Variants in NEGR1 observed in about 807,000 individuals in gnomAD.
NEGR1 encodes the protein IgLON family member 4.
Under a neutral mutation model 40.9 loss-of-function variants are expected in NEGR1, and 10 were observed. The ratio of observed to expected loss-of-function variants is 0.24; its 90% CI spans 0.15 to 0.42. NEGR1 has a LOEUF of 0.42. Ranked by LOEUF, NEGR1 falls within the 10% of genes least tolerant of loss-of-function variation. NEGR1 has a pLI of 1.00. For missense variants in NEGR1, 352 were observed against 438.9 expected (o/e 0.80, Z 1.77); for synonymous variants, 185 against 166.8 (o/e 1.11, Z -0.84).
chr1:72,085,451 G>T (rs1397029125), intron 1 of NEGR1, among the ~76,000 whole-genome samples: 2 of 152,130 alleles, frequency 1.3e-5, no homozygotes, highest in African/African-American at 4.8e-5. Flanking sequence ...TTTTGAAAAT[G>T]TTTTAAACAA....
intron 6 of NEGR1, among the ~76,000 whole-genome samples, chr1:71,489,007 C>A (rs936137040): frequency 6.6e-6 from 1 of 151,664 alleles, no homozygotes; most frequent in Non-Finnish European, 1.5e-5. Context: ...GATTCAAATA[C>A]CTTACAGAGT....
intron 6 of NEGR1, among the ~76,000 whole-genome samples, chr1:71,580,591 T>C (rs1649104467): frequency 6.6e-6 from 1 of 151,984 alleles, no homozygotes; most frequent in Non-Finnish European, 1.5e-5. Context: ...AGATACAGAA[T>C]AGAATCATTC....
intron 2 of NEGR1, among the ~76,000 whole-genome samples, chr1:71,910,845 A>C (rs760204856): frequency 7.2e-5 from 11 of 151,998 alleles, no homozygotes; most frequent in Non-Finnish European, 1.0e-4. Flanking sequence ...CTATGGGCAC[A>C]CACTACAAAG....
At chr1:71,563,887 C>T (rs1648536938) in intron 6 of NEGR1, among the ~76,000 whole-genome samples, 1 of 151,618 alleles carries the variant, frequency 6.6e-6, no homozygotes, top group Non-Finnish European at 1.5e-5. Context: ...GAAAATGATA[C>T]ACTGTTGGTG....
intron 3 of NEGR1, among the ~76,000 whole-genome samples, chr1:71,707,284 A>G (rs955807064): frequency 6.6e-6 from 1 of 152,094 alleles, no homozygotes; most frequent in Non-Finnish European, 1.5e-5. Flanking sequence ...CTCAATGGTG[A>G]GTTCCAGGTC....
intron 6 of NEGR1, among the ~76,000 whole-genome samples, chr1:71,481,540 AAAAC>A (rs1337086699): frequency 6.6e-6 from 1 of 151,918 alleles, no homozygotes; most frequent in African/African-American, 2.4e-5. Context: ...ATATTAAAAT[AAAAC>A]AAAATTCTTG....
intron 6 of NEGR1, among the ~76,000 whole-genome samples, chr1:71,551,173 TC>T (rs1304945255): frequency 6.6e-6 from 1 of 151,674 alleles, no homozygotes. Context: ...CATCTTCATT[TC>T]ATCAAAAATG....
At chr1:71,995,043 A>G in intron 1 of NEGR1, among the ~76,000 whole-genome samples, 1 of 152,100 alleles carries the variant, frequency 6.6e-6, no homozygotes, top group South Asian at 2.1e-4. Flanking sequence ...AATCTCCTGA[A>G]AGAGTTATTT....
chr1:71,682,101 A>T (rs1375729097), intron 4 of NEGR1, among the ~76,000 whole-genome samples: 1 of 152,222 alleles, frequency 6.6e-6, no homozygotes, highest in Admixed American at 6.5e-5. Flanking sequence ...TGCTGGGATT[A>T]CAGGCATGAG....
At chr1:72,185,372 T>A (rs1281412948) in intron 1 of NEGR1, among the ~76,000 whole-genome samples, 8 of 151,910 alleles carry the variant, frequency 5.3e-5, no homozygotes, top group African/African-American at 1.9e-4. Flanking sequence ...CAACAAAATA[T>A]GACATAATCC....
intron 2 of NEGR1, among the ~76,000 whole-genome samples, chr1:71,915,967 G>A (rs1661566856): frequency 6.6e-6 from 1 of 152,196 alleles, no homozygotes; most frequent in Non-Finnish European, 1.5e-5. Flanking sequence ...CCTACTTAGA[G>A]GGAAGGAAGA....
At chr1:72,212,205 T>A (rs1165785442) in intron 1 of NEGR1, among the ~76,000 whole-genome samples, 1 of 151,932 alleles carries the variant, frequency 6.6e-6, no homozygotes, top group Non-Finnish European at 1.5e-5. Context: ...ATAAATTGTG[T>A]TAAACTTTAT....
intron 1 of NEGR1, among the ~76,000 whole-genome samples, chr1:72,145,995 T>G (rs922106979): frequency 9.9e-6 from 1 of 100,520 alleles, no homozygotes; most frequent in Non-Finnish European, 2.0e-5. Flanking sequence ...TCTCAGAGTT[T>G]CCTCTGTTTT....
intron 2 of NEGR1, among the ~76,000 whole-genome samples, chr1:71,913,281 A>ATT (rs370357974): frequency 6.6e-6 from 1 of 151,810 alleles, no homozygotes; most frequent in African/African-American, 2.4e-5. Context: ...CGCCCAGCTA[A>ATT]TTTTTTTATT....
At chr1:72,126,287 A>C (rs553087974) in intron 1 of NEGR1, among the ~76,000 whole-genome samples, 2 of 152,124 alleles carry the variant, frequency 1.3e-5, no homozygotes, top group Non-Finnish European at 2.9e-5. Flanking sequence ...TTAAACTACA[A>C]TTACAAAACA....
intron 1 of NEGR1, among the ~76,000 whole-genome samples, chr1:72,002,803 A>G (rs1268116158): frequency 6.6e-6 from 1 of 152,204 alleles, no homozygotes. Flanking sequence ...AAATTGCACC[A>G]AGGAATTTAC....
intron 4 of NEGR1, among the ~76,000 whole-genome samples, chr1:71,680,427 T>A (rs1323687470): frequency 6.6e-6 from 1 of 152,166 alleles, no homozygotes; most frequent in African/African-American, 2.4e-5. Context: ...TCATATCTGC[T>A]TTAATCTCTG....
intron 4 of NEGR1, among the ~76,000 whole-genome samples, chr1:71,691,386 TTA>T (rs1292452658): frequency 6.6e-6 from 1 of 152,030 alleles, no homozygotes; most frequent in East Asian, 1.9e-4. Context: ...AGTATTTTAC[TTA>T]TTTTTTGGGT....
intron 2 of NEGR1, among the ~76,000 whole-genome samples, chr1:71,926,409 A>G (rs1057284726): frequency 6.6e-6 from 1 of 152,110 alleles, no homozygotes; most frequent in Admixed American, 6.6e-5. Flanking sequence ...AAGCTGTATA[A>G]TTATTTGATT....
Sources: allele counts gnomAD v4.1 joint callset (sites outside exome capture counted in the v4.1 genomes callset), GRCh38; gene constraint gnomAD v4.1.1; transcripts MANE v1.5; gene names NCBI Gene and HGNC (gene_info 2026-07-23, HGNC 2026-07-21).